PRKAG2: variants seen among roughly 807,000 people sequenced by gnomAD.
The protein encoded by PRKAG2 is protein kinase AMP-activated non-catalytic subunit gamma 2, also known as 5'-AMP-activated protein kinase subunit gamma-2.
Under a neutral mutation model 69.6 loss-of-function variants are expected in PRKAG2, and 26 were observed. The ratio of observed to expected loss-of-function variants is 0.37; its 90% CI spans 0.27 to 0.52. PRKAG2 has a LOEUF of 0.52. Ranked by LOEUF, PRKAG2 falls within the 20% of genes least tolerant of loss-of-function variation. The pLI is 0.90. For synonymous variants in PRKAG2, 293 were observed against 285.0 expected, an observed-to-expected ratio of 1.03 and a Z score of -0.28; for missense variants, 557 against 740.0, an observed-to-expected ratio of 0.75 and a Z score of 2.87.
intron 1 of PRKAG2, among the ~76,000 whole-genome samples, chr7:151,795,794 C>T (rs1020547317): frequency 2.1e-5 from 3 of 143,698 alleles, no homozygotes; most frequent in Non-Finnish European, 4.5e-5. Context: ...CCAGTGGATT[C>T]GGGACTTTCC....
At chr7:151,605,562 CCCCGT>C in intron 5 of PRKAG2, among the ~76,000 whole-genome samples, 1 of 149,584 alleles carries the variant, frequency 6.7e-6, no homozygotes, top group Admixed American at 6.7e-5. Context: ...CATGGCGAAA[CCCCGT>C]CTCTACTAAA....
At chr7:151,560,477 C>A in intron 15 of PRKAG2, 47 bp downstream of exon 15, 1 of 1,613,702 alleles carries the variant, frequency 6.2e-7, no homozygotes, top group South Asian at 1.1e-5. Context: ...TTCTACCTCC[C>A]ACCCTTCCTA....
At chr7:151,700,098 T>C (rs1193648768) in intron 3 of PRKAG2, among the ~76,000 whole-genome samples, 1 of 152,190 alleles carries the variant, frequency 6.6e-6, no homozygotes, top group Non-Finnish European at 1.5e-5. Context: ...AACAGGTCTT[T>C]GAATAAGTCA....
At chr7:151,715,940 GA>G (rs1343504483) in intron 3 of PRKAG2, among the ~76,000 whole-genome samples, 1 of 152,134 alleles carries the variant, frequency 6.6e-6, no homozygotes, top group Non-Finnish European at 1.5e-5. Flanking sequence ...GGATTTTCGA[GA>G]GGCACTTTTA....
intron 1 of PRKAG2, among the ~76,000 whole-genome samples, chr7:151,873,172 T>G (rs533041990): frequency 6.6e-6 from 1 of 152,186 alleles, no homozygotes; most frequent in Non-Finnish European, 1.5e-5. Flanking sequence ...TCTCAAACCC[T>G]TTCGCCAGGA....
intron 1 of PRKAG2, among the ~76,000 whole-genome samples, chr7:151,856,306 C>T (rs1462254481): frequency 1.3e-5 from 2 of 152,238 alleles, no homozygotes; most frequent in African/African-American, 2.4e-5. Context: ...AGTCCTGGCT[C>T]CCCGTGGCGA....
intron 3 of PRKAG2, among the ~76,000 whole-genome samples, chr7:151,700,291 G>A (rs1430692207): frequency 1.3e-5 from 2 of 152,164 alleles, no homozygotes; most frequent in East Asian, 3.9e-4. Context: ...AGCCCTCGTG[G>A]AGCTCAGGTT....
intron 4 of PRKAG2, among the ~76,000 whole-genome samples, chr7:151,636,905 A>G (rs1009589099): frequency 6.6e-6 from 1 of 152,086 alleles, no homozygotes; most frequent in African/African-American, 2.4e-5. Context: ...GGGTTTCACC[A>G]TGTTGGCCAG....
At position 151,781,611 on chromosome 7, in the gene PRKAG2, GC is replaced by G. The variant is rs1033153520; in HGVS notation, c.187-181del. Among the ~76,000 whole-genome samples the G allele has an allele frequency of 6.6e-6, 1 of 152,178 alleles. No individual in the cohort carries two copies. Among genetic ancestry groups the G allele is most frequent in the Non-Finnish European group, 1.5e-5 (1 of 68,038 alleles). On this transcript the variant is annotated intron_variant, in intron 2 of 15. Transcript: ENST00000287878. The surrounding 1 kb of genome is among the most constrained non-coding windows in gnomAD (Gnocchi z 6.1). ...ACTGAATGGTCTGCAGGTAGCACCT[GC>G]CCCAAGGATGGCCCCTCACAGGCTG...
intron 1 of PRKAG2, among the ~76,000 whole-genome samples, chr7:151,866,267 C>T (rs553641573): frequency 5.3e-5 from 8 of 152,224 alleles, no homozygotes; most frequent in East Asian, 1.9e-4. Flanking sequence ...CTTGGCTGCT[C>T]GTGGGGCATC....
Position 151,876,630 on chromosome 7 carries a change from CAGA to C in PRKAG2, c.-13_-11del. On this transcript the variant is annotated 5_prime_UTR_variant, in exon 1 of 16. Coordinates refer to ENST00000287878, the MANE Select transcript of PRKAG2 (RefSeq NM_016203.4). ...TAACCGCGCTTCCCATAACTCTAAC[CAGA>C]AGTTGATTCTGCGAAACTCCTCGGG... 1.9e-6 allele frequency: 3 copies of C among 1,606,960 alleles called. No individual in the cohort carries two copies. The highest frequency in any genetic ancestry group is 2.5e-6 in the Non-Finnish European group (3 of 1,179,366).
chr7:151,613,484 C>T (rs1304271655), intron 5 of PRKAG2, among the ~76,000 whole-genome samples: 8 of 152,052 alleles, frequency 5.3e-5, no homozygotes, highest in East Asian at 1.9e-4. Context: ...TTCCCAGTCC[C>T]GAGCATTTTG....
At chr7:151,691,506 A>T (rs891562530) in intron 3 of PRKAG2, among the ~76,000 whole-genome samples, 1 of 151,652 alleles carries the variant, frequency 6.6e-6, no homozygotes, top group Non-Finnish European at 1.5e-5. Context: ...AAAAGTGGAC[A>T]GAAGATTTAA....
intron 3 of PRKAG2, among the ~76,000 whole-genome samples, chr7:151,718,883 C>A (rs1796598861): frequency 6.6e-6 from 1 of 152,080 alleles, no homozygotes; most frequent in African/African-American, 2.4e-5. Context: ...CAAGAACTGG[C>A]TTCATCTCTC....
chr7:151,757,908 C>G (rs775751353), intron 3 of PRKAG2, among the ~76,000 whole-genome samples: 28 of 152,224 alleles, frequency 1.8e-4, no homozygotes, highest in Non-Finnish European at 1.5e-4. Flanking sequence ...TGGATTATGC[C>G]ATCAGATGGA....
At chr7:151,568,357 C>T (rs1421237390) in intron 11 of PRKAG2, among the ~76,000 whole-genome samples, 1 of 152,156 alleles carries the variant, frequency 6.6e-6, no homozygotes, top group African/African-American at 2.4e-5. Context: ...CAACATAAAG[C>T]AATTTTTGCT....
At chr7:151,575,188 T>C (rs1808597654) in intron 7 of PRKAG2, among the ~76,000 whole-genome samples, 1 of 152,158 alleles carries the variant, frequency 6.6e-6, no homozygotes, top group Non-Finnish European at 1.5e-5. Flanking sequence ...AACCAGAGAA[T>C]TTGGCAAATC....
chr7:151,808,971 C>G (rs1047287333), intron 1 of PRKAG2, among the ~76,000 whole-genome samples: 2 of 152,154 alleles, frequency 1.3e-5, no homozygotes, highest in South Asian at 4.1e-4. Context: ...CCGCGCTCCC[C>G]CTCCTCCCCA....
intron 3 of PRKAG2, among the ~76,000 whole-genome samples, chr7:151,677,330 G>A (rs2151482695): frequency 6.6e-6 from 1 of 152,204 alleles, no homozygotes; most frequent in East Asian, 1.9e-4. Context: ...GGGATTACAG[G>A]CACCTGCCAC....
Sources: gnomAD v4.1 joint callset for allele counts (sites outside exome capture counted in the v4.1 genomes callset) on GRCh38, gnomAD v4.1.1 for gene constraint, Gnocchi (gnomAD v3.1) non-coding constraint, MANE v1.5 for transcripts, NCBI Gene and HGNC (gene_info 2026-07-23, HGNC 2026-07-21) for gene names.